CD53: variants seen among roughly 807,000 people sequenced by gnomAD.
CD53 encodes CD53 molecule, also known as leukocyte surface antigen CD53.
A neutral mutation model predicts 27.3 loss-of-function variants in CD53; 20 were observed. The observed-to-expected ratio is 0.73, with a 90% CI of 0.52 to 1.07. The LOEUF is 1.07. Among genes scored for constraint, CD53 ranks in the 50% least tolerant of loss-of-function variants. The probability of loss-of-function intolerance (pLI) is 0.00; values close to 1 mark genes in which losing one functional copy is unlikely to be tolerated. For missense variants in CD53, 216 were observed against 264.0 expected, an observed-to-expected ratio of 0.82 and a Z score of 1.26; for synonymous variants, 106 against 105.3, an observed-to-expected ratio of 1.01 and a Z score of -0.04.
chr1:110,891,251 G>A (rs1376798347), intron 1 of CD53, 141 bp from the exon 2 acceptor site: 14 of 641,150 alleles, frequency 2.2e-5, no homozygotes, highest in South Asian at 3.7e-5. Flanking sequence ...CTAGGAAAGC[G>A]CAGAGTTTGG....
chr1:110,882,323 A>G (rs187709055), intron 1 of CD53, among the ~76,000 whole-genome samples: 5 of 152,260 alleles, frequency 3.3e-5, no homozygotes, highest in African/African-American at 1.2e-4. Flanking sequence ...CAATTGTTCC[A>G]GCACCATTTG....
chr1:110,896,882 T>C (rs1022791475), intron 6 of CD53, 149 bp downstream of exon 6: 2 of 644,580 alleles, frequency 3.1e-6, no homozygotes, highest in Non-Finnish European at 2.7e-6. Flanking sequence ...CCTTGGGTAA[T>C]TAGAAAAGTC....
intron 1 of CD53, among the ~76,000 whole-genome samples, chr1:110,888,924 A>C (rs1395666384): frequency 1.3e-5 from 2 of 152,186 alleles, no homozygotes; most frequent in South Asian, 4.1e-4. Flanking sequence ...TATGTCCTCC[A>C]CCATGAAATA....
At chr1:110,880,219 G>A (rs748371263) in intron 1 of CD53, 4 of 152,218 alleles carry the variant, frequency 2.6e-5, no homozygotes, top group Non-Finnish European at 4.4e-5. Flanking sequence ...GTAGTTGGAA[G>A]GGGTGGGAGG....
intron 1 of CD53, among the ~76,000 whole-genome samples, chr1:110,882,941 T>G (rs1160371162): frequency 6.6e-6 from 1 of 152,068 alleles, no homozygotes; most frequent in African/African-American, 2.4e-5. Flanking sequence ...TACTTGTTAG[T>G]TCTAGTAGTA....
chr1:110,874,243 C>T lies in CD53; in HGVS notation c.-18+995C>T, dbSNP rs1048679708. On this transcript the variant is annotated intron_variant, in intron 1 of 7. Coordinates refer to ENST00000271324, the MANE Select transcript of CD53 (RefSeq NM_000560.4). ...TCTAGATTTCCAAGAGGGGTGGGGACGGGGAGAGGGCTCTGGATTCCCAAA... is the reference window on the plus strand; with the variant it reads ...TCTAGATTTCCAAGAGGGGTGGGGATGGGGAGAGGGCTCTGGATTCCCAAA... 2.9e-4 allele frequency among the ~76,000 whole-genome samples: 44 copies of T among 152,222 alleles called. 1 individual carries two copies. The highest frequency in any genetic ancestry group is 1.0e-3 in the African/African-American group (43 of 41,524).
At chr1:110,895,842 T>G (rs1657038682) in intron 5 of CD53, among the ~76,000 whole-genome samples, 1 of 152,176 alleles carries the variant, frequency 6.6e-6, no homozygotes, top group African/African-American at 2.4e-5. Context: ...TCCCCACACT[T>G]TTTTCGTTAG....
intron 4 of CD53, among the ~76,000 whole-genome samples, 172 bp downstream of exon 4, chr1:110,894,573 A>C (rs1190272685): frequency 6.6e-6 from 1 of 152,040 alleles, no homozygotes; most frequent in African/African-American, 2.4e-5. Flanking sequence ...TATGAAAGAG[A>C]TTGTATCTGA....
chr1:110,896,804 T>G, intron 6 of CD53, 71 bp downstream of exon 6: 1 of 1,330,882 alleles, frequency 7.5e-7, no homozygotes, highest in Non-Finnish European at 1.1e-6. Flanking sequence ...GAAACTGCAG[T>G]CATAGAGGAC....
At chr1:110,895,099 T>G in intron 5 of CD53, 44 bp downstream of exon 5, 1 of 1,414,398 alleles carries the variant, frequency 7.1e-7, no homozygotes, top group Non-Finnish European at 1.0e-6. Flanking sequence ...CAGACTTCAT[T>G]TTCAAGCCTA....
intron 4 of CD53, 46 bp downstream of exon 4, chr1:110,894,447 G>C (rs1437912957): frequency 1.4e-6 from 2 of 1,415,268 alleles, no homozygotes; most frequent in African/African-American, 2.8e-5. Context: ...CTGAAAGTGG[G>C]GAGTATGCAG....
At chr1:110,886,869 A>ATATATATATATATATTTT (rs1298376721) in intron 1 of CD53, among the ~76,000 whole-genome samples, 75 of 82,756 alleles carry the variant, frequency 9.1e-4, no homozygotes, top group Admixed American at 1.4e-3. Flanking sequence ...ATATATATAT[A>ATATATATATATATATTTT]TTTTTTTTTT....
At chr1:110,884,723 G>A (rs1299446793) in intron 1 of CD53, among the ~76,000 whole-genome samples, 1 of 151,746 alleles carries the variant, frequency 6.6e-6, no homozygotes, top group African/African-American at 2.4e-5. Flanking sequence ...AATTTTTTCT[G>A]TAATAGTGTT....
chr1:110,898,728 G>T (rs1186027760), intron 7 of CD53, among the ~76,000 whole-genome samples: 1 of 151,936 alleles, frequency 6.6e-6, no homozygotes, highest in Admixed American at 6.6e-5. Context: ...GTATATCATA[G>T]ATTAGTTAAA....
At chr1:110,897,098 C>G (rs569089884) in intron 6 of CD53, among the ~76,000 whole-genome samples, 1 of 152,340 alleles carries the variant, frequency 6.6e-6, no homozygotes, top group South Asian at 2.1e-4. Flanking sequence ...CCCTCTCCCT[C>G]TTTCTCTGCT....
At chr1:110,894,224 A>G (rs1656967630) in intron 3 of CD53, 103 bp from the exon 4 acceptor site, 2 of 922,794 alleles carry the variant, frequency 2.2e-6, no homozygotes, top group Admixed American at 3.8e-5. Flanking sequence ...CAGAACAGGA[A>G]CACCCTGTAC....
chr1:110,897,982 C>A, intron 7 of CD53, 90 bp downstream of exon 7: 1 of 635,276 alleles, frequency 1.6e-6, no homozygotes. Context: ...AGTATTTACA[C>A]AATAAATGTT....
At chr1:110,871,497 A>G (rs1655962291), upstream of CD53, among the ~76,000 whole-genome samples, 1 of 152,064 alleles carries the variant, frequency 6.6e-6, no homozygotes, top group Non-Finnish European at 1.5e-5. Context: ...GGGGATGCCA[A>G]GTTAATCAAA....
intron 1 of CD53, among the ~76,000 whole-genome samples, chr1:110,873,734 T>G (rs1311799347): frequency 1.3e-5 from 2 of 152,160 alleles, no homozygotes; most frequent in African/African-American, 4.8e-5. Context: ...CCCACTGTGG[T>G]TCTTCAAAGC....
Sources: gnomAD v4.1 joint callset for allele counts (sites outside exome capture counted in the v4.1 genomes callset) on GRCh38, gnomAD v4.1.1 for gene constraint, MANE v1.5 for transcripts, NCBI Gene and HGNC (gene_info 2026-07-23, HGNC 2026-07-21) for gene names.